The following FARP2 variants were observed in gnomAD, a reference collection of about 807,000 sequenced individuals.
FARP2 encodes FERM, ARH/RhoGEF and pleckstrin domain protein 2.
A neutral mutation model predicts 130.5 loss-of-function variants in FARP2; 111 were observed. The ratio of observed to expected loss-of-function variants is 0.85; its 90% confidence interval spans 0.73 to 1.00. The LOEUF is 1.00. FARP2 is among the 50% of genes least tolerant of loss of function. The pLI, the probability that FARP2 is intolerant of heterozygous loss-of-function variation, is 0.00. For missense variants in FARP2, 1,385 were observed against 1,346.3 expected (o/e 1.03, Z -0.45); for synonymous variants, 504 against 516.9 (o/e 0.98, Z 0.34).
intron 11 of FARP2, among the ~76,000 whole-genome samples, 172 bp downstream of exon 11, chr2:241,435,202 T>C (rs2063194809): frequency 6.6e-6 from 1 of 151,590 alleles, no homozygotes; most frequent in South Asian, 2.1e-4. Flanking sequence ...CAAGCAATCC[T>C]CCCACCTCAG....
Position 241,494,797 on chromosome 2 carries a change from T to C in FARP2, c.*672T>C, listed in dbSNP as rs2065061198. 6.6e-6 allele frequency: 1 copy of C among 152,238 alleles called. No homozygotes were observed. Among genetic ancestry groups the C allele is most frequent in the Non-Finnish European group, 1.5e-5 (1 of 68,048 alleles). 9.4% of individuals were successfully genotyped at this position (152,238 alleles called of 1,614,324 possible). ...ACGGGAAGTAGATGGGCGACTGCTT[T>C]GTTCACACACATTTGATTAAAAATA... On this transcript the variant is annotated 3_prime_UTR_variant, in exon 27 of 27. Transcript: ENST00000264042. This position sits in a 1 kb window ranked among gnomAD's most constrained non-coding sequence, Gnocchi z 4.9.
chr2:241,411,430 GT>G (rs541194494), intron 6 of FARP2, among the ~76,000 whole-genome samples: 203 of 152,300 alleles, frequency 1.3e-3, no homozygotes, highest in African/African-American at 4.7e-3. Flanking sequence ...TGCATATTCA[GT>G]CTAAGAGTCA....
chr2:241,470,675 CAG>C (rs1358685016), intron 18 of FARP2, among the ~76,000 whole-genome samples: 1 of 150,980 alleles, frequency 6.6e-6, no homozygotes, highest in Non-Finnish European at 1.5e-5. Flanking sequence ...ATACTGCTCT[CAG>C]GGGGTCCTGT....
At chr2:241,444,839 A>G (rs1013292619) in intron 13 of FARP2, 2 of 152,208 alleles carry the variant, frequency 1.3e-5, no homozygotes, top group Non-Finnish European at 2.9e-5. Flanking sequence ...AGGAACCCGC[A>G]TCACCTCAAA....
Position 241,406,132 on chromosome 2 carries a change from C to T in FARP2, c.331+1291C>T, listed in dbSNP as rs186741458. Among the ~76,000 whole-genome samples, 1,265 of 151,572 alleles carry T rather than the reference C, an allele frequency of 8.3e-3. 14 individuals carry two copies. The highest frequency in any genetic ancestry group is 0.032 in the Admixed American group (492 of 15,208). ...TCCTGGCTAACATGGTGAAACTCCG[C>T]CTCTACTAAAAATATAAATTAGCCG... On this transcript the variant is annotated intron_variant, in intron 4 of 26. Coordinates refer to ENST00000264042, the MANE Select transcript of FARP2 (RefSeq NM_014808.4).
At chr2:241,429,447 A>T (rs1272661914) in intron 8 of FARP2, among the ~76,000 whole-genome samples, 1 of 152,232 alleles carries the variant, frequency 6.6e-6, no homozygotes, top group African/African-American at 2.4e-5. Context: ...CCCCAGGATC[A>T]GACCCTGGGC....
At chr2:241,474,070 G>C (rs1352470314) in intron 18 of FARP2, among the ~76,000 whole-genome samples, 1 of 152,078 alleles carries the variant, frequency 6.6e-6, no homozygotes, top group Non-Finnish European at 1.5e-5. Context: ...ACTTTGGGAG[G>C]CCGAGGCTGG....
intron 2 of FARP2, among the ~76,000 whole-genome samples, chr2:241,377,390 G>GGACTGCA (rs2061563214): frequency 1.3e-5 from 2 of 150,322 alleles, no homozygotes; most frequent in Non-Finnish European, 3.0e-5. Flanking sequence ...GCCGGACTGC[G>GGACTGCA]GACTGCAGTG....
chr2:241,391,840 T>C (rs2061913307), intron 2 of FARP2, among the ~76,000 whole-genome samples: 1 of 152,120 alleles, frequency 6.6e-6, no homozygotes, highest in Non-Finnish European at 1.5e-5. Context: ...TTCCAGAGAA[T>C]ACCATTGAAT....
At chr2:241,464,092 G>C (rs948347812) in intron 17 of FARP2, 112 bp downstream of exon 17, 72 of 822,968 alleles carry the variant, frequency 8.7e-5, no homozygotes, top group Non-Finnish European at 1.4e-4. Flanking sequence ...GGTCCCCTCA[G>C]AACAGGATCC....
intron 1 of FARP2, among the ~76,000 whole-genome samples, chr2:241,371,396 A>T (rs1001947527): frequency 6.6e-6 from 1 of 152,220 alleles, no homozygotes; most frequent in Non-Finnish European, 1.5e-5. Context: ...AGGTGGGAGA[A>T]TTGCTTGAGC....
chr2:241,366,694 G>T (rs1315856239), intron 1 of FARP2, among the ~76,000 whole-genome samples: 1 of 152,078 alleles, frequency 6.6e-6, no homozygotes, highest in Non-Finnish European at 1.5e-5. Context: ...CTATAAATTA[G>T]TAGAAATCAA....
At chr2:241,408,365 C>T (rs1409531952) in intron 5 of FARP2, among the ~76,000 whole-genome samples, 2 of 151,146 alleles carry the variant, frequency 1.3e-5, no homozygotes, top group African/African-American at 2.4e-5. Flanking sequence ...GAGCGAGACT[C>T]CGTCTCAAAA....
In FARP2 at chr2:241,490,968, A is replaced by G. The variant is rs1395114376; in HGVS notation, c.2505-93A>G. The G allele has an allele frequency of 3.3e-6, 3 of 908,168 alleles. No homozygotes were observed. In the African/African-American group the frequency reaches 4.9e-5, roughly 15 times the overall value. The allele number at this position is 908,168 out of a possible 1,614,324, so 56.3% of individuals were successfully genotyped here. A position where few individuals can be genotyped will look rare whatever the true frequency, so the allele number is the denominator to read the frequency against. On this transcript the variant is annotated intron_variant, in intron 22 of 26. Transcript: ENST00000264042. ...CAGGCAGGACAAAGCAGAATGTGAG[A>G]GAACAGGTGCCCTGACGGCTCGCCC...
At chr2:241,437,662 A>ATTTTTTTTTTTTTTTTTTTT (rs1254102658) in intron 12 of FARP2, among the ~76,000 whole-genome samples, 1 of 135,414 alleles carries the variant, frequency 7.4e-6, no homozygotes, top group Non-Finnish European at 1.6e-5. Flanking sequence ...TTATTTATTT[A>ATTTTTTTTTTTTTTTTTTTT]TTTATTTATT....
intron 9 of FARP2, 126 bp from the exon 10 acceptor site, chr2:241,434,032 C>A: frequency 1.3e-6 from 1 of 753,730 alleles, no homozygotes; most frequent in Non-Finnish European, 2.2e-6. Flanking sequence ...AAGATCCTGT[C>A]TCAAAAAAAA....
intron 2 of FARP2, among the ~76,000 whole-genome samples, chr2:241,387,548 C>A (rs13395320): frequency 7.9e-5 from 12 of 152,068 alleles, no homozygotes. Flanking sequence ...AATCCCAGCA[C>A]TTTGGGAGGC....
At chr2:241,386,334 A>G (rs753716686) in intron 2 of FARP2, among the ~76,000 whole-genome samples, 8 of 152,174 alleles carry the variant, frequency 5.3e-5, no homozygotes, top group Non-Finnish European at 1.0e-4. Flanking sequence ...CCTGGCCCCA[A>G]GTGATCCTCC....
intron 1 of FARP2, among the ~76,000 whole-genome samples, chr2:241,363,006 A>G (rs538567748): frequency 7.2e-5 from 11 of 152,376 alleles, no homozygotes; most frequent in African/African-American, 2.6e-4. Flanking sequence ...AGACCTGGAC[A>G]TGTGCATGGA....
Sources: gnomAD v4.1 joint callset for allele counts (sites outside exome capture counted in the v4.1 genomes callset) on GRCh38, gnomAD v4.1.1 for gene constraint, Gnocchi (gnomAD v3.1) non-coding constraint, MANE v1.5 for transcripts, NCBI Gene and HGNC (gene_info 2026-07-23, HGNC 2026-07-21) for gene names.